STAM2: variants seen among roughly 807,000 people sequenced by gnomAD.
STAM2 encodes the protein signal transducing adaptor molecule 2, also known as signal transducing adapter molecule 2.
In STAM2, 51 loss-of-function variants were observed where a neutral mutation model predicts 65.6. The ratio of observed to expected loss-of-function variants is 0.78; its 90% confidence interval spans 0.62 to 0.98. The LOEUF (loss-of-function observed/expected upper bound fraction) is 0.98, where lower values mean the gene tolerates loss of function less well. STAM2 is among the 50% of genes least tolerant of loss of function. STAM2 has a pLI of 0.00. For synonymous variants in STAM2, 198 were observed against 208.4 expected (o/e 0.95, Z 0.43); for missense variants, 584 against 617.8 (o/e 0.95, Z 0.58).
At chr2:152,127,653 G>A (rs1365332224) in intron 11 of STAM2, among the ~76,000 whole-genome samples, 1 of 150,802 alleles carries the variant, frequency 6.6e-6, no homozygotes, top group Admixed American at 6.6e-5. Context: ...TAAAAACAAT[G>A]TGTAAGTAAG....
chr2:152,130,797 G>C (rs532484120), intron 11 of STAM2, among the ~76,000 whole-genome samples: 28 of 151,594 alleles, frequency 1.8e-4, no homozygotes, highest in African/African-American at 6.8e-4. Context: ...AGGAGTTCGA[G>C]ATCAGCCTGG....
rs748519756 is a variant in STAM2 at position 152,126,253 on chromosome 2, T to C, written c.1152A>G (p.Pro384=). The C allele has an allele frequency of 4.4e-6, 7 of 1,602,158 alleles. No homozygotes were observed. The highest frequency in any genetic ancestry group is 5.1e-6 in the Non-Finnish European group (6 of 1,174,462). Residue 384 remains proline (P), a synonymous_variant, in exon 12 of 14, where the codon CCA becomes CCG. Coordinates refer to ENST00000263904, the MANE Select transcript of STAM2 (RefSeq NM_005843.6). ...GCATTGGAACCCCAGATGATGCAGG[T>C]GGGTAATGTGCTGGAGGGTGGAGCT... ...YSKLHPPAHY[P]PASSGVPMQT...
At chr2:152,159,108 T>TATATATATATATATATATATATATATAC (rs1191937152) in intron 1 of STAM2, among the ~76,000 whole-genome samples, 6 of 136,094 alleles carry the variant, frequency 4.4e-5, no homozygotes, top group Non-Finnish European at 9.4e-5. Flanking sequence ...TATATATATA[T>TATATATATATATATATATATATATATAC]ATACACACAC....
chr2:152,172,313 G>C (rs978327261), intron 1 of STAM2, among the ~76,000 whole-genome samples: 2 of 152,008 alleles, frequency 1.3e-5, no homozygotes, highest in Non-Finnish European at 2.9e-5. Context: ...CTACTTCCTA[G>C]CCTTTGGCCT....
At chr2:152,170,181 C>T (rs2105571103) in intron 1 of STAM2, among the ~76,000 whole-genome samples, 1 of 151,710 alleles carries the variant, frequency 6.6e-6, no homozygotes, top group South Asian at 2.1e-4. Flanking sequence ...AGACGACAAC[C>T]TTTAAGAATT....
chr2:152,126,232 T>C lies in STAM2; in HGVS notation c.1173A>G (p.Pro391=). 6.3e-7 allele frequency: 1 copy of C among 1,585,890 alleles called. No homozygotes were observed. Among genetic ancestry groups the C allele is most frequent in the Non-Finnish European group, 8.6e-7 (1 of 1,168,048 alleles). Residue 391 remains proline (P), a synonymous_variant, in exon 12 of 14, where the codon CCA becomes CCG. Transcript: ENST00000263904. ...TCTCAAAAAACATGCTCACCTGCAT[T>C]GGAACCCCAGATGATGCAGGTGGGT... The part of the protein sequence containing the change: ...AHYPPASSGV[P]MQTYPVQSHG...
intron 1 of STAM2, among the ~76,000 whole-genome samples, chr2:152,168,477 A>G (rs1689837208): frequency 6.6e-6 from 1 of 152,088 alleles, no homozygotes; most frequent in African/African-American, 2.4e-5. Context: ...ATTACACGCA[A>G]CACCTCTGAG....
rs1321003902 is a variant in STAM2, at chr2:152,117,455, G to C, written c.*3119C>G. ...ATTATAGGCATGAGCCACTGTATCTGGCCTCTGGGGAAAACTTTTAGAAAT... is the reference window on the plus strand; with the variant it reads ...ATTATAGGCATGAGCCACTGTATCTCGCCTCTGGGGAAAACTTTTAGAAAT... On this transcript the variant is annotated 3_prime_UTR_variant, in exon 14 of 14. Transcript: ENST00000263904. 9 of 152,038 alleles carry C rather than the reference G, an allele frequency of 5.9e-5. No homozygotes were observed. The highest frequency in any genetic ancestry group is 5.9e-4 in the Admixed American group (9 of 15,250). 9.4% of individuals were successfully genotyped at this position (152,038 alleles called of 1,614,324 possible). A position where few individuals can be genotyped will look rare whatever the true frequency, so the allele number is the denominator to read the frequency against.
intron 1 of STAM2, among the ~76,000 whole-genome samples, chr2:152,165,601 G>C (rs1312122601): frequency 6.6e-6 from 1 of 151,974 alleles, no homozygotes; most frequent in African/African-American, 2.4e-5. Context: ...GGGGTGGCGC[G>C]GGATACACAT....
intron 7 of STAM2, among the ~76,000 whole-genome samples, chr2:152,137,856 T>C (rs1159027567): frequency 2.0e-5 from 3 of 152,134 alleles, no homozygotes; most frequent in African/African-American, 4.8e-5. Flanking sequence ...CACAGCAAAA[T>C]TTATTAAATA....
chr2:152,147,982 AT>A (rs1560217559), intron 4 of STAM2, 41 bp downstream of exon 4: 7 of 1,450,390 alleles, frequency 4.8e-6, no homozygotes, highest in Non-Finnish European at 5.7e-6. Flanking sequence ...CACAATCTAC[AT>A]TTTTTTAATG....
chr2:152,149,097 CT>C (rs1366741974), intron 2 of STAM2, among the ~76,000 whole-genome samples: 5 of 152,090 alleles, frequency 3.3e-5, no homozygotes, highest in African/African-American at 1.2e-4. Flanking sequence ...TTTATATTCA[CT>C]TTTTTCATTG....
intron 1 of STAM2, among the ~76,000 whole-genome samples, chr2:152,175,093 C>T (rs563241908): frequency 6.6e-6 from 1 of 152,252 alleles, no homozygotes; most frequent in East Asian, 1.9e-4. Flanking sequence ...TAAAGCTACC[C>T]TATCAGGGAT....
At chr2:152,165,985 A>C (rs1560224520) in intron 1 of STAM2, among the ~76,000 whole-genome samples, 1 of 152,132 alleles carries the variant, frequency 6.6e-6, no homozygotes, top group African/African-American at 2.4e-5. Context: ...GGCGGATTAC[A>C]TAAGGCCAGG....
chr2:152,120,214 G>A lies in STAM2; in HGVS notation c.*360C>T. 5.7e-6 allele frequency: 1 copy of A among 176,230 alleles called. No homozygotes were observed. The highest frequency in any genetic ancestry group is 1.1e-5 in the Non-Finnish European group (1 of 93,308). The allele number at this position is 176,230 out of a possible 1,614,324, so 10.9% of individuals were successfully genotyped here. ...TTGACAAACTCACTCTGTCGATCAT[G>A]CTACTGCACTCCAGCCTGGGTGACA... On this transcript the variant is annotated 3_prime_UTR_variant, in exon 14 of 14. Transcript: ENST00000263904.
intron 11 of STAM2, among the ~76,000 whole-genome samples, chr2:152,128,963 T>C (rs897725770): frequency 7.2e-5 from 11 of 152,212 alleles, no homozygotes; most frequent in African/African-American, 2.4e-4. Context: ...GGGTAAATAA[T>C]AGTCAATAAG....
chr2:152,126,769 T>C (rs1688970722), intron 11 of STAM2, among the ~76,000 whole-genome samples: 2 of 152,224 alleles, frequency 1.3e-5, no homozygotes, highest in South Asian at 4.1e-4. Flanking sequence ...AAAATCAGAC[T>C]GATTACAGGT....
At chr2:152,122,625 C>T (rs1307268985) in intron 13 of STAM2, among the ~76,000 whole-genome samples, 1 of 151,974 alleles carries the variant, frequency 6.6e-6, no homozygotes, top group Non-Finnish European at 1.5e-5. Context: ...ATCTAAAATT[C>T]ATACTCATGG....
At chr2:152,148,362 T>C in intron 2 of STAM2, 62 bp from the exon 3 acceptor site, 1 of 1,313,062 alleles carries the variant, frequency 7.6e-7, no homozygotes, top group Admixed American at 2.0e-5. Context: ...ATTCAAACAT[T>C]AAGGTATTAT....
Sources: gnomAD v4.1 joint callset for allele counts (sites outside exome capture counted in the v4.1 genomes callset) on GRCh38, gnomAD v4.1.1 for gene constraint, MANE v1.5 for transcripts, NCBI Gene and HGNC (gene_info 2026-07-23, HGNC 2026-07-21) for gene names.